Variants in GSG1L observed in about 807,000 individuals in gnomAD.
GSG1L encodes the protein germ cell-specific gene 1-like protein.
GSG1L carries 24 observed loss-of-function variants against 42.1 expected under a neutral mutation model. The observed-to-expected ratio is 0.57, with a 90% CI of 0.41 to 0.80. The LOEUF (loss-of-function observed/expected upper bound fraction) is 0.80. Among genes scored for constraint, GSG1L ranks in the 30% least tolerant of loss-of-function variants. The pLI, the probability that GSG1L is intolerant of heterozygous loss-of-function variation, is 0.00. For missense variants in GSG1L, 445 were observed against 472.2 expected (o/e 0.94, Z 0.53); for synonymous variants, 215 against 203.5 (o/e 1.06, Z -0.48).
At chr16:27,865,739 G>A (rs2083716740) in intron 3 of GSG1L, among the ~76,000 whole-genome samples, 1 of 150,814 alleles carries the variant, frequency 6.6e-6, no homozygotes, top group Non-Finnish European at 1.5e-5. Context: ...GTCTTGTTCT[G>A]TCACCCAGCC....
At chr16:27,932,712 T>C (rs951182215) in intron 2 of GSG1L, among the ~76,000 whole-genome samples, 1 of 152,050 alleles carries the variant, frequency 6.6e-6, no homozygotes, top group African/African-American at 2.4e-5. Flanking sequence ...CCTACTAACT[T>C]TGGGCCTGAA....
Position 27,807,562 on chromosome 16 carries a change from G to GAA in GSG1L, c.831-10_831-9dup, listed in dbSNP as rs754096851. On this transcript the variant is annotated splice_polypyrimidine_tract_variant and intron_variant, in intron 5 of 6. Coordinates refer to ENST00000447459, the MANE Select transcript of GSG1L (RefSeq NM_001109763.2). ...CCGTCCCTCTTCTCCATCCTGGAAAGAAAAAAAAACAAAAACAAAATCCTA... is the reference window on the plus strand; with the variant it reads ...CCGTCCCTCTTCTCCATCCTGGAAAGAAAAAAAAAAACAAAAACAAAATCCTA... 3 of 1,567,804 alleles carry GAA rather than the reference G, an allele frequency of 1.9e-6. No homozygotes were observed. The highest frequency in any genetic ancestry group is 1.1e-5 in the South Asian group (1 of 87,002).
chr16:28,038,967 C>T (rs2086073333), intron 1 of GSG1L, among the ~76,000 whole-genome samples: 1 of 152,134 alleles, frequency 6.6e-6, no homozygotes, highest in Non-Finnish European at 1.5e-5. Flanking sequence ...TTTTCATTTA[C>T]ATATAGGGAT....
At chr16:27,979,642 G>GGAAAGAAA (rs200521273) in intron 1 of GSG1L, among the ~76,000 whole-genome samples, 5 of 55,982 alleles carry the variant, frequency 8.9e-5, no homozygotes, top group African/African-American at 1.8e-4. Flanking sequence ...AGGAGGGAGG[G>GGAAAGAAA]GAAAGAAAGA....
chr16:27,922,300 A>G (rs1340075253), intron 2 of GSG1L, among the ~76,000 whole-genome samples: 2 of 152,088 alleles, frequency 1.3e-5, no homozygotes, highest in Non-Finnish European at 2.9e-5. Flanking sequence ...GTCTAATTCT[A>G]TTGATCCAAT....
At chr16:27,810,688 AG>A (rs1281786680) in intron 5 of GSG1L, among the ~76,000 whole-genome samples, 1 of 151,760 alleles carries the variant, frequency 6.6e-6, no homozygotes, top group African/African-American at 2.4e-5. Flanking sequence ...TTTTTTTTTA[AG>A]TTTTTCTTTT....
At chr16:27,898,865 G>T (rs537954253) in intron 2 of GSG1L, among the ~76,000 whole-genome samples, 3 of 152,196 alleles carry the variant, frequency 2.0e-5, no homozygotes, top group African/African-American at 7.2e-5. Context: ...GAAGACCAGG[G>T]CCATATTCCC....
chr16:27,963,022 G>T (rs2085087771), intron 2 of GSG1L, 134 bp downstream of exon 2: 1 of 720,986 alleles, frequency 1.4e-6, no homozygotes, highest in African/African-American at 1.8e-5. Context: ...GCAACAGGGT[G>T]TCTGGCTCCC....
chr16:28,010,967 G>A (rs1460308356), intron 1 of GSG1L, among the ~76,000 whole-genome samples: 1 of 152,186 alleles, frequency 6.6e-6, no homozygotes, highest in Non-Finnish European at 1.5e-5. Context: ...GGGAGCCTGA[G>A]GGTAGAGCTG....
At chr16:27,851,565 G>T (rs899083998) in intron 3 of GSG1L, among the ~76,000 whole-genome samples, 2 of 152,128 alleles carry the variant, frequency 1.3e-5, no homozygotes, top group Non-Finnish European at 2.9e-5. Flanking sequence ...CCAGCTGAGA[G>T]TGGGGAAGTG....
chr16:27,802,632 T>C (rs2082896326), intron 6 of GSG1L, among the ~76,000 whole-genome samples: 1 of 151,874 alleles, frequency 6.6e-6, no homozygotes, highest in Non-Finnish European at 1.5e-5. Context: ...CCCCAGGAGG[T>C]TAGGCCCCTT....
Position 27,884,694 on chromosome 16 carries a change from C to G in GSG1L, c.398-56G>C. 1 of 1,501,922 alleles carries G rather than the reference C, an allele frequency of 6.7e-7. No homozygotes were observed. Among genetic ancestry groups the G allele is most frequent in the Non-Finnish European group, 9.0e-7 (1 of 1,109,356 alleles). The allele number at this position is 1,501,922 out of a possible 1,614,324, so 93.0% of individuals were successfully genotyped here. A position where few individuals can be genotyped will look rare whatever the true frequency, so the allele number is the denominator to read the frequency against. On this transcript the variant is annotated intron_variant, in intron 2 of 6. Coordinates refer to ENST00000447459, the MANE Select transcript of GSG1L (RefSeq NM_001109763.2). This position sits in a 1 kb window ranked among gnomAD's most constrained non-coding sequence, Gnocchi z 4.4. ...TGAGGGGCCACCCAAGATAGACTCA[C>G]CCTGTGCCTATTCCTCCCACAACAG...
intron 1 of GSG1L, among the ~76,000 whole-genome samples, chr16:28,056,558 T>C (rs1312103960): frequency 1.3e-5 from 2 of 151,440 alleles, no homozygotes; most frequent in Admixed American, 6.6e-5. Context: ...ATATGGCACA[T>C]GTATACATAT....
At chr16:27,934,468 G>A (rs1451471423) in intron 2 of GSG1L, among the ~76,000 whole-genome samples, 1 of 152,172 alleles carries the variant, frequency 6.6e-6, no homozygotes, top group East Asian at 1.9e-4. Flanking sequence ...CTGGGAGGCG[G>A]AGGTTGCAGT....
chr16:28,015,616 A>G (rs2085771800), intron 1 of GSG1L, among the ~76,000 whole-genome samples: 1 of 152,254 alleles, frequency 6.6e-6, no homozygotes, highest in African/African-American at 2.4e-5. Flanking sequence ...GCTATAAGGC[A>G]GGCTCCTTTG....
chr16:27,974,396 G>C (rs2085228980), intron 1 of GSG1L, among the ~76,000 whole-genome samples: 2 of 152,124 alleles, frequency 1.3e-5, no homozygotes, highest in South Asian at 4.1e-4. Flanking sequence ...GGAAGGGTAG[G>C]GGAAGACCAG....
chr16:28,010,373 C>A (rs1160266182), intron 1 of GSG1L, among the ~76,000 whole-genome samples: 3 of 152,180 alleles, frequency 2.0e-5, no homozygotes, highest in Non-Finnish European at 4.4e-5. Flanking sequence ...GGCTTGGACC[C>A]TAGAGACAGC....
chr16:27,846,395 G>A (rs1218302328), intron 3 of GSG1L, among the ~76,000 whole-genome samples: 2 of 152,134 alleles, frequency 1.3e-5, no homozygotes, highest in Non-Finnish European at 2.9e-5. Flanking sequence ...ATATTCATGA[G>A]AAGGACAACT....
At chr16:27,984,988 C>T (rs1180946950) in intron 1 of GSG1L, among the ~76,000 whole-genome samples, 1 of 152,082 alleles carries the variant, frequency 6.6e-6, no homozygotes, top group Admixed American at 6.5e-5. Flanking sequence ...GAGCTCCTGG[C>T]CTCAAGCAGT....
Sources: allele counts gnomAD v4.1 joint callset (sites outside exome capture counted in the v4.1 genomes callset), GRCh38; gene constraint gnomAD v4.1.1; non-coding constraint Gnocchi (gnomAD v3.1); transcripts MANE v1.5; gene names NCBI Gene and HGNC (gene_info 2026-07-23, HGNC 2026-07-21).